Variants in CNTNAP2 observed in about 807,000 individuals in gnomAD.
CNTNAP2 encodes contactin associated protein 2.
Under a neutral mutation model 155.2 loss-of-function variants are expected in CNTNAP2, and 98 were observed. That is an observed-to-expected ratio of 0.63 (90% confidence interval 0.54 to 0.75). The LOEUF (loss-of-function observed/expected upper bound fraction) is 0.75. Ranked by LOEUF, CNTNAP2 falls within the 30% of genes least tolerant of loss-of-function variation. CNTNAP2 has a pLI of 0.00. For synonymous variants in CNTNAP2, 651 were observed against 631.2 expected (o/e 1.03, Z -0.47); for missense variants, 1,727 against 1,688.1 (o/e 1.02, Z -0.40).
At chr7:147,864,043 G>C (rs1799182132) in intron 13 of CNTNAP2, among the ~76,000 whole-genome samples, 1 of 151,802 alleles carries the variant, frequency 6.6e-6, no homozygotes, top group South Asian at 2.1e-4. Flanking sequence ...TTTTCTTCTG[G>C]GGTTTTTATG....
At chr7:147,985,182 A>G (rs1801596509) in intron 15 of CNTNAP2, among the ~76,000 whole-genome samples, 1 of 151,814 alleles carries the variant, frequency 6.6e-6, no homozygotes, top group Admixed American at 6.6e-5. Flanking sequence ...TCCTAGATCC[A>G]TTTATTCTCT....
chr7:147,887,519 GA>G (rs766350294), intron 13 of CNTNAP2, among the ~76,000 whole-genome samples: 28 of 152,284 alleles, frequency 1.8e-4, no homozygotes, highest in African/African-American at 1.7e-4. Context: ...TTAAATGTAT[GA>G]TTGAGCATGC....
rs557458931 is a variant in CNTNAP2, at chr7:146,709,164, C to T, written c.98-65107C>T. Among the ~76,000 whole-genome samples, 247 of 152,134 alleles carry T rather than the reference C, an allele frequency of 1.6e-3. 2 individuals are homozygous for T. The highest frequency in any genetic ancestry group is 5.5e-3 in the African/African-American group (229 of 41,524). ...AACATTTTTTTCCATATTATAGAAA[C>T]AGTGTTAAGGAGGAATCTTAGTCAA... is the stretch of plus-strand genomic sequence containing the variant. On this transcript the variant is annotated intron_variant, in intron 1 of 23. Coordinates refer to ENST00000361727, the MANE Select transcript of CNTNAP2 (RefSeq NM_014141.6).
At chr7:146,720,831 ATTAT>A (rs1801274395) in intron 1 of CNTNAP2, among the ~76,000 whole-genome samples, 1 of 146,028 alleles carries the variant, frequency 6.8e-6, no homozygotes, top group South Asian at 2.1e-4. Context: ...TTTGAAAGCT[ATTAT>A]TTAGAGAAAG....
At chr7:146,169,579 A>G (rs566325497) in intron 1 of CNTNAP2, among the ~76,000 whole-genome samples, 12 of 152,218 alleles carry the variant, frequency 7.9e-5, no homozygotes, top group African/African-American at 2.9e-4. Flanking sequence ...ACCATGTTGT[A>G]CATTTGATTC....
chr7:148,267,169 C>T (rs374965041), intron 21 of CNTNAP2, 43 bp downstream of exon 21: 405 of 1,508,846 alleles, frequency 2.7e-4, no homozygotes, highest in Non-Finnish European at 3.6e-4. Context: ...GCTACAAATA[C>T]ATTTGGGTAA....
At chr7:146,403,616 T>A (rs1278194052) in intron 1 of CNTNAP2, among the ~76,000 whole-genome samples, 1 of 152,146 alleles carries the variant, frequency 6.6e-6, no homozygotes. Context: ...GGAAAACAAA[T>A]GTTACCTTAA....
chr7:148,172,569 A>G, intron 18 of CNTNAP2, 91 bp downstream of exon 18: 2 of 1,166,502 alleles, frequency 1.7e-6, no homozygotes, highest in Non-Finnish European at 2.6e-6. Context: ...AAACAAGTGT[A>G]CCTTATTCTG....
intron 18 of CNTNAP2, among the ~76,000 whole-genome samples, chr7:148,205,637 T>C (rs923399703): frequency 2.0e-5 from 3 of 152,226 alleles, no homozygotes; most frequent in African/African-American, 7.2e-5. Context: ...AATGATGAGG[T>C]CTCAGTCAAC....
intron 9 of CNTNAP2, among the ~76,000 whole-genome samples, chr7:147,370,580 T>C (rs1205238329): frequency 6.6e-6 from 1 of 152,178 alleles, no homozygotes; most frequent in Non-Finnish European, 1.5e-5. Context: ...TTTATTTTGT[T>C]GGAGAACTGG....
intron 14 of CNTNAP2, among the ~76,000 whole-genome samples, chr7:147,906,096 T>C (rs1799952237): frequency 6.6e-6 from 1 of 152,108 alleles, no homozygotes; most frequent in Admixed American, 6.5e-5. Context: ...GCTGGGGAAC[T>C]GTCTGTGCAG....
At chr7:146,789,548 T>A (rs1374014831) in intron 2 of CNTNAP2, among the ~76,000 whole-genome samples, 1 of 151,848 alleles carries the variant, frequency 6.6e-6, no homozygotes, top group Admixed American at 6.6e-5. Context: ...CTAGCCAAAA[T>A]TGAAATCAAT....
chr7:147,261,819 T>G (rs936116867), intron 8 of CNTNAP2, among the ~76,000 whole-genome samples: 1 of 152,234 alleles, frequency 6.6e-6, no homozygotes, highest in African/African-American at 2.4e-5. Flanking sequence ...TTTTGTAATC[T>G]GAACAATTAT....
intron 18 of CNTNAP2, among the ~76,000 whole-genome samples, chr7:148,208,683 G>A (rs550839641): frequency 5.1e-4 from 77 of 152,280 alleles, no homozygotes; most frequent in African/African-American, 1.8e-3. Context: ...AGTGAATGGA[G>A]TTCAGGCCAA....
intron 8 of CNTNAP2, among the ~76,000 whole-genome samples, chr7:147,162,878 CA>C (rs1802053135): frequency 6.6e-6 from 1 of 152,156 alleles, no homozygotes; most frequent in South Asian, 2.1e-4. Flanking sequence ...TGACTTCTAG[CA>C]ATGGAGCTTT....
chr7:148,321,281 G>A (rs1293954013), intron 21 of CNTNAP2, among the ~76,000 whole-genome samples: 2 of 152,218 alleles, frequency 1.3e-5, no homozygotes, highest in East Asian at 3.8e-4. Flanking sequence ...TCCAACCAAT[G>A]TGTTGAGTGT....
rs535947449 is a variant in CNTNAP2, at chr7:148,176,991, A to C, written c.3010+4513A>C. Reference sequence around the variant, plus strand: ...CAAAACACTCAAGAATTCTATAATTATCAATGTCACTTTTATTACTAACCA... The same window carrying C: ...CAAAACACTCAAGAATTCTATAATTCTCAATGTCACTTTTATTACTAACCA... On this transcript the variant is annotated intron_variant, in intron 18 of 23. Coordinates refer to ENST00000361727, the MANE Select transcript of CNTNAP2 (RefSeq NM_014141.6). 2.6e-5 allele frequency among the ~76,000 whole-genome samples: 4 copies of C among 152,334 alleles called. No homozygotes were observed. In the East Asian group the frequency reaches 7.7e-4, roughly 29 times the overall value.
intron 1 of CNTNAP2, among the ~76,000 whole-genome samples, chr7:146,487,839 C>T (rs1797079589): frequency 2.6e-5 from 4 of 152,136 alleles, no homozygotes; most frequent in Admixed American, 1.3e-4. Context: ...CCACGTGCTT[C>T]ATTTACAATC....
chr7:147,041,598 G>A (rs1472599120), intron 3 of CNTNAP2, among the ~76,000 whole-genome samples: 2 of 151,208 alleles, frequency 1.3e-5, no homozygotes, highest in Non-Finnish European at 3.0e-5. Context: ...TAGCCTTCAG[G>A]GAACTCCAAA....
Sources: gnomAD v4.1 joint callset for allele counts (sites outside exome capture counted in the v4.1 genomes callset) on GRCh38, gnomAD v4.1.1 for gene constraint, MANE v1.5 for transcripts, NCBI Gene and HGNC (gene_info 2026-07-23, HGNC 2026-07-21) for gene names.